RAPGEF1: variants seen among roughly 807,000 people sequenced by gnomAD.
RAPGEF1 encodes the protein Rap guanine nucleotide exchange factor 1, also known as CRK SH3-binding GNRP.
A neutral mutation model predicts 143.3 loss-of-function variants in RAPGEF1; 33 were observed. That is an observed-to-expected ratio of 0.23 (90% confidence interval 0.17 to 0.31). The LOEUF is 0.31. RAPGEF1 is among the 10% of genes least tolerant of loss of function. RAPGEF1 has a pLI of 1.00. For missense variants in RAPGEF1, 1,199 were observed against 1,645.4 expected, an observed-to-expected ratio of 0.73 and a Z score of 4.69; for synonymous variants, 629 against 676.5, an observed-to-expected ratio of 0.93 and a Z score of 1.09.
intron 21 of RAPGEF1, 49 bp from the exon 22 acceptor site, chr9:131,587,879 G>A (rs1458004551): frequency 1.1e-5 from 18 of 1,600,646 alleles, no homozygotes; most frequent in Non-Finnish European, 1.5e-5. Flanking sequence ...GCTTTCCCCT[G>A]ATGGGGGTTT....
intron 22 of RAPGEF1, among the ~76,000 whole-genome samples, chr9:131,586,864 A>C (rs867633698): frequency 3.0e-5 from 3 of 99,224 alleles, no homozygotes; most frequent in Admixed American, 9.4e-5. Flanking sequence ...ACACACACAC[A>C]CCTGCAGAGC....
Position 131,588,924 on chromosome 9 carries a change from C to A in RAPGEF1, c.2930G>T (p.Cys977Phe), listed in dbSNP as rs1478168688. The change falls in exon 20 of 27, where the codon TGC (cysteine) becomes TTC (phenylalanine). Residue 977 changes from cysteine to phenylalanine, a missense_variant. Physicochemically the swap from Cys to Phe is radical, Grantham distance 205. Around this residue, in one of 6 missense-constraint regions of RAPGEF1, gnomAD observed 209 missense variants for 403.0 expected, o/e 0.52. Coordinates refer to ENST00000683357, the MANE Select transcript of RAPGEF1 (RefSeq NM_001377935.1). ...ACGGGCCAGGCTCAGCTCCCCATTGCACACCAGGCGGAAGACCAGTTCCAT... is the reference window on the plus strand; with the variant it reads ...ACGGGCCAGGCTCAGCTCCCCATTGAACACCAGGCGGAAGACCAGTTCCAT... ...LLMELVFRLV[C>F]NGELSLARVL... The A allele has an allele frequency of 1.2e-6, 2 of 1,613,964 alleles. No homozygotes were observed. The highest frequency in any genetic ancestry group is 2.2e-5 in the South Asian group (2 of 91,082).
chr9:131,649,978 C>T (rs2133427760), intron 3 of RAPGEF1, 151 bp downstream of exon 3: 1 of 594,744 alleles, frequency 1.7e-6, no homozygotes, highest in East Asian at 3.0e-5. Flanking sequence ...CCAAGGTCCC[C>T]TGGACTCTTT....
chr9:131,703,588 T>C (rs1005846108), intron 1 of RAPGEF1, among the ~76,000 whole-genome samples: 8 of 152,120 alleles, frequency 5.3e-5, no homozygotes, highest in Non-Finnish European at 5.9e-5. Context: ...ATTAAGTAAC[T>C]TGCTGAAGGA....
chr9:131,661,837 C>G (rs949206320), intron 1 of RAPGEF1, among the ~76,000 whole-genome samples: 1 of 152,182 alleles, frequency 6.6e-6, no homozygotes, highest in Non-Finnish European at 1.5e-5. Flanking sequence ...ACTTTTGTCT[C>G]ATCTTTTTAA....
intron 12 of RAPGEF1, among the ~76,000 whole-genome samples, chr9:131,613,649 ACTGC>A (rs1345839946): frequency 3.3e-5 from 5 of 152,156 alleles, no homozygotes; most frequent in Admixed American, 2.6e-4. Flanking sequence ...GTGAATGGGC[ACTGC>A]CTGCCTGTCT....
Position 131,628,424 on chromosome 9 carries a change from G to C in RAPGEF1, c.1017+125C>G. The C allele has an allele frequency of 2.3e-6, 3 of 1,300,296 alleles. No individual in the cohort carries two copies. The highest frequency in any genetic ancestry group is 2.1e-6 in the Non-Finnish European group (2 of 950,266). 80.5% of individuals were successfully genotyped at this position (1,300,296 alleles called of 1,614,324 possible). A position where few individuals can be genotyped will look rare whatever the true frequency, so the allele number is the denominator to read the frequency against. On this transcript the variant is annotated intron_variant, in intron 8 of 26. Coordinates refer to ENST00000683357, the MANE Select transcript of RAPGEF1 (RefSeq NM_001377935.1). The surrounding 1 kb of genome is among the most constrained non-coding windows in gnomAD (Gnocchi z 5.7). ...GAGAGAGGGATGGGTACAAGGTCTC[G>C]CACTCCTCGATGTGACAAACACCAG...
At chr9:131,634,183 G>A (rs1564584092) in intron 5 of RAPGEF1, among the ~76,000 whole-genome samples, 1 of 152,122 alleles carries the variant, frequency 6.6e-6, no homozygotes, top group Non-Finnish European at 1.5e-5. Context: ...AATCCAGAAG[G>A]CGGAGGTTGC....
At chr9:131,720,803 AT>A (rs1340174409) in intron 1 of RAPGEF1, among the ~76,000 whole-genome samples, 3 of 152,222 alleles carry the variant, frequency 2.0e-5, no homozygotes. Flanking sequence ...AGAAAAAAAA[AT>A]CTCTGTCCAA....
intron 3 of RAPGEF1, among the ~76,000 whole-genome samples, chr9:131,647,553 G>A (rs530981106): frequency 2.6e-5 from 4 of 152,298 alleles, no homozygotes; most frequent in Non-Finnish European, 5.9e-5. Context: ...AGTGGTAAGA[G>A]AGCTAATGAA....
chr9:131,596,258 C>T, intron 17 of RAPGEF1, 40 bp downstream of exon 17: 1 of 1,601,566 alleles, frequency 6.2e-7, no homozygotes, highest in East Asian at 2.2e-5. Context: ...GCACCCGGGG[C>T]AGGACCAGCC....
intron 10 of RAPGEF1, among the ~76,000 whole-genome samples, chr9:131,623,535 C>T (rs1453638350): frequency 2.6e-5 from 4 of 152,244 alleles, no homozygotes; most frequent in Non-Finnish European, 5.9e-5. Flanking sequence ...CACCTGCTAG[C>T]CAAGCACAGA....
intron 1 of RAPGEF1, chr9:131,709,554 G>A: frequency 6.8e-7 from 1 of 1,476,168 alleles, no homozygotes; most frequent in South Asian, 1.1e-5. Flanking sequence ...TCTGCTGCTG[G>A]GCCAGTCTCT....
chr9:131,675,066 G>C lies in RAPGEF1; in HGVS notation c.62-24117C>G, dbSNP rs974587741. On this transcript the variant is annotated intron_variant, in intron 1 of 26. Coordinates refer to ENST00000683357, the MANE Select transcript of RAPGEF1 (RefSeq NM_001377935.1). The surrounding 1 kb of genome is among the most constrained non-coding windows in gnomAD (Gnocchi z 4.6). ...GAGCAGAGAGAAGGCGAGCGTCATA[G>C]CCCTTTCCACAGAGGGTGGTGGGGG... Among the ~76,000 whole-genome samples the C allele has an allele frequency of 7.9e-5, 12 of 152,274 alleles. 1 individual carries two copies. The highest frequency in any genetic ancestry group is 2.4e-4 in the African/African-American group (10 of 41,550).
chr9:131,615,532 GAGA>G (rs911107231), intron 12 of RAPGEF1, among the ~76,000 whole-genome samples: 6 of 152,218 alleles, frequency 3.9e-5, no homozygotes, highest in African/African-American at 1.4e-4. Flanking sequence ...GCTGGTGAGA[GAGA>G]AGCCCAGCAA....
At chr9:131,588,088 C>G in intron 20 of RAPGEF1, 62 bp from the exon 21 acceptor site, 3 of 1,388,224 alleles carry the variant, frequency 2.2e-6, no homozygotes, top group Non-Finnish European at 3.0e-6. Flanking sequence ...GAGGGCTGAG[C>G]AGGCCCGGGC....
chr9:131,656,209 T>C (rs1972441929), intron 1 of RAPGEF1, among the ~76,000 whole-genome samples: 1 of 152,248 alleles, frequency 6.6e-6, no homozygotes, highest in Non-Finnish European at 1.5e-5. Context: ...ACTGAACATT[T>C]AACTCACTAT....
chr9:131,599,709 C>T (rs1382461925), intron 15 of RAPGEF1, among the ~76,000 whole-genome samples: 1 of 152,094 alleles, frequency 6.6e-6, no homozygotes, highest in Non-Finnish European at 1.5e-5. Flanking sequence ...GGAAGCTGGG[C>T]CTACAGATAT....
intron 1 of RAPGEF1, among the ~76,000 whole-genome samples, chr9:131,699,215 T>G (rs1323842760): frequency 6.6e-6 from 1 of 151,560 alleles, no homozygotes; most frequent in Non-Finnish European, 1.5e-5. Flanking sequence ...CTTTGACACT[T>G]TCACACCCAA....
Sources: allele counts gnomAD v4.1 joint callset (sites outside exome capture counted in the v4.1 genomes callset), GRCh38; gene constraint gnomAD v4.1.1; regional missense constraint gnomAD v4.1.1; non-coding constraint Gnocchi (gnomAD v3.1); transcripts MANE v1.5; gene names NCBI Gene and HGNC (gene_info 2026-07-23, HGNC 2026-07-21).